The following FKBP1B variants were observed in gnomAD, a reference collection of about 807,000 sequenced individuals.
The protein encoded by FKBP1B is FKBP prolyl isomerase 1B, also known as peptidyl-prolyl cis-trans isomerase FKBP1B.
In FKBP1B, 4 loss-of-function variants were observed where a neutral mutation model predicts 13.5. The observed-to-expected ratio is 0.30, with a 90% CI of 0.15 to 0.68. FKBP1B has a LOEUF of 0.68. Among genes scored for constraint, FKBP1B ranks in the 30% least tolerant of loss-of-function variants. The pLI is 0.76. For synonymous variants in FKBP1B, 54 were observed against 53.6 expected (o/e 1.01, Z -0.03); for missense variants, 93 against 136.2 (o/e 0.68, Z 1.58).
upstream of FKBP1B, among the ~76,000 whole-genome samples, chr2:24,048,772 A>G (rs1663716487): frequency 6.6e-6 from 1 of 152,122 alleles, no homozygotes; most frequent in Non-Finnish European, 1.5e-5. Flanking sequence ...TGGAGGAGGA[A>G]CTCAAAGTAG....
the FKBP1B span, chr2:24,038,074 T>C: frequency 6.2e-7 from 1 of 1,614,128 alleles, no homozygotes; most frequent in East Asian, 2.2e-5. Context: ...CCCTTTGTTT[T>C]GGTGACAAAA....
At chr2:24,042,535 C>CAAAAAA in the FKBP1B span, among the ~76,000 whole-genome samples, 1 of 61,576 alleles carries the variant, frequency 1.6e-5, no homozygotes, top group Non-Finnish European at 2.9e-5. Flanking sequence ...TACTCCGTCT[C>CAAAAAA]AAAAAAAAAA....
intron 3 of FKBP1B, among the ~76,000 whole-genome samples, chr2:24,062,033 C>A (rs574273325): frequency 8.1e-6 from 1 of 123,806 alleles, no homozygotes; most frequent in African/African-American, 2.7e-5. Context: ...CCACGGCCGG[C>A]TAATTTTTTT....
the FKBP1B span, among the ~76,000 whole-genome samples, chr2:24,044,278 G>A: frequency 5.9e-5 from 9 of 151,582 alleles, no homozygotes; most frequent in Non-Finnish European, 1.3e-4. Flanking sequence ...TTTTTTTTGG[G>A]GGGGGCGTGG....
chr2:24,040,149 G>T, the FKBP1B span, among the ~76,000 whole-genome samples: 1 of 152,036 alleles, frequency 6.6e-6, no homozygotes. Flanking sequence ...GGTTATGCAG[G>T]ACAAGGTCCT....
At chr2:24,044,720 C>G (rs1663556937), upstream of FKBP1B, among the ~76,000 whole-genome samples, 1 of 151,346 alleles carries the variant, frequency 6.6e-6, no homozygotes, top group Non-Finnish European at 1.5e-5. Flanking sequence ...TGACTTCTCC[C>G]TTTTTATTAG....
chr2:24,046,359 T>G (rs115741077), upstream of FKBP1B, among the ~76,000 whole-genome samples: 183 of 152,322 alleles, frequency 1.2e-3, no homozygotes, highest in Non-Finnish European at 2.2e-3. Context: ...CCAACGCTAC[T>G]GATTTTGCCT....
the FKBP1B span, among the ~76,000 whole-genome samples, chr2:24,044,112 G>T: frequency 3.9e-5 from 6 of 152,098 alleles, no homozygotes; most frequent in African/African-American, 1.4e-4. Flanking sequence ...ACTTTCATGG[G>T]CAGAGAAAAT....
At chr2:24,039,445 T>C in the FKBP1B span, 1 of 1,614,244 alleles carries the variant, frequency 6.2e-7, no homozygotes, top group South Asian at 1.1e-5. Context: ...CACTGCTTGA[T>C]GCAACGCATT....
the FKBP1B span, chr2:24,039,469 A>T: frequency 1.2e-6 from 2 of 1,612,496 alleles, no homozygotes; most frequent in South Asian, 2.2e-5. Flanking sequence ...TCCAGTCCTG[A>T]GTAGTTTTCC....
intron 3 of FKBP1B, among the ~76,000 whole-genome samples, chr2:24,062,541 G>A (rs906413800): frequency 1.3e-5 from 2 of 151,982 alleles, no homozygotes; most frequent in Non-Finnish European, 2.9e-5. Context: ...TTGAACTTCT[G>A]GACTCAAGTG....
At chr2:24,036,748 T>C in the FKBP1B span, among the ~76,000 whole-genome samples, 2 of 152,206 alleles carry the variant, frequency 1.3e-5, no homozygotes, top group Admixed American at 6.5e-5. Flanking sequence ...GAGTGCACCA[T>C]ATCACCCTAT....
At chr2:24,038,989 A>C in the FKBP1B span, 2 of 1,614,208 alleles carry the variant, frequency 1.2e-6, no homozygotes, top group South Asian at 2.2e-5. Flanking sequence ...CACCAGCCTC[A>C]GGCCATCCTG....
At chr2:24,038,123 C>T in the FKBP1B span, 2 of 1,614,038 alleles carry the variant, frequency 1.2e-6, no homozygotes, top group Admixed American at 3.3e-5. Context: ...TTTCTATTTG[C>T]TTTATTTAAC....
chr2:24,037,756 T>C, the FKBP1B span: 1 of 1,614,154 alleles, frequency 6.2e-7, no homozygotes, highest in Non-Finnish European at 8.5e-7. Context: ...ATGCAGACGG[T>C]TTGTAAGTTC....
the FKBP1B span, among the ~76,000 whole-genome samples, chr2:24,043,443 C>T: frequency 6.6e-6 from 1 of 151,886 alleles, no homozygotes; most frequent in Non-Finnish European, 1.5e-5. Context: ...CCCTGGAGTT[C>T]GAGACCAGAG....
intron 2 of FKBP1B, among the ~76,000 whole-genome samples, chr2:24,057,339 G>A (rs954855960): frequency 6.6e-6 from 1 of 151,766 alleles, no homozygotes; most frequent in Admixed American, 6.6e-5. Context: ...GGGAGTACAG[G>A]AACATGCTAC....
the FKBP1B span, among the ~76,000 whole-genome samples, chr2:24,039,696 T>A: frequency 6.6e-6 from 1 of 152,232 alleles, no homozygotes; most frequent in African/African-American, 2.4e-5. Context: ...GTATATACTT[T>A]GGATCTTGAA....
the FKBP1B span, chr2:24,038,554 T>C: frequency 4.3e-6 from 7 of 1,614,128 alleles, no homozygotes; most frequent in African/African-American, 8.0e-5. Flanking sequence ...TGAAGAATCT[T>C]GGCCAGTTCC....
Sources: gnomAD v4.1 joint callset for allele counts (sites outside exome capture counted in the v4.1 genomes callset) on GRCh38, gnomAD v4.1.1 for gene constraint, MANE v1.5 for transcripts, NCBI Gene and HGNC (gene_info 2026-07-23, HGNC 2026-07-21) for gene names.